Variants in SEMA3A observed in about 807,000 individuals in gnomAD.
The protein encoded by SEMA3A is semaphorin 3A.
A neutral mutation model predicts 97.9 loss-of-function variants in SEMA3A; 29 were observed. That is an observed-to-expected ratio of 0.30 (90% CI 0.22 to 0.40). The LOEUF is 0.40. Ranked by LOEUF, SEMA3A falls within the 10% of genes least tolerant of loss-of-function variation. SEMA3A has a pLI of 1.00. For missense variants in SEMA3A, 763 were observed against 951.3 expected (o/e 0.80, Z 2.60); for synonymous variants, 321 against 323.7 (o/e 0.99, Z 0.09).
intron 1 of SEMA3A, among the ~76,000 whole-genome samples, chr7:84,425,541 T>A (rs1444174736): frequency 6.9e-6 from 1 of 144,832 alleles, no homozygotes; most frequent in Non-Finnish European, 1.5e-5. Context: ...CGTATATTTA[T>A]ATGAATATAA....
At chr7:84,302,034 T>G (rs537835381) in intron 3 of SEMA3A, among the ~76,000 whole-genome samples, 1 of 152,162 alleles carries the variant, frequency 6.6e-6, no homozygotes, top group South Asian at 2.1e-4. Flanking sequence ...TATATATCCA[T>G]CAAGTGAATG....
intron 3 of SEMA3A, among the ~76,000 whole-genome samples, chr7:84,243,829 T>C (rs1477874423): frequency 1.3e-5 from 2 of 152,192 alleles, no homozygotes; most frequent in Admixed American, 1.3e-4. Flanking sequence ...AAAGAACTTA[T>C]TTATTTCTGC....
At chr7:84,076,874 A>G (rs1170420003) in intron 4 of SEMA3A, among the ~76,000 whole-genome samples, 4 of 152,152 alleles carry the variant, frequency 2.6e-5, no homozygotes, top group Non-Finnish European at 4.4e-5. Flanking sequence ...GGTTCCCCCA[A>G]AAAACATTGG....
intron 1 of SEMA3A, among the ~76,000 whole-genome samples, chr7:84,159,586 G>C (rs1446743877): frequency 6.6e-6 from 1 of 152,088 alleles, no homozygotes; most frequent in Non-Finnish European, 1.5e-5. Flanking sequence ...CATAGTAATT[G>C]TGGGGGAAAT....
chr7:84,265,226 A>G (rs1799960372), intron 3 of SEMA3A, among the ~76,000 whole-genome samples: 1 of 152,004 alleles, frequency 6.6e-6, no homozygotes, highest in African/African-American at 2.4e-5. Flanking sequence ...CTAAGCTATT[A>G]CTTTTGATTT....
chr7:84,151,959 C>T (rs2116124215), intron 1 of SEMA3A, among the ~76,000 whole-genome samples: 1 of 151,818 alleles, frequency 6.6e-6, no homozygotes, highest in East Asian at 1.9e-4. Context: ...CATCACTGGC[C>T]ATCAGAGAAA....
intron 1 of SEMA3A, 99 bp downstream of exon 1, chr7:84,194,376 C>G: frequency 6.6e-6 from 5 of 760,926 alleles, no homozygotes; most frequent in Non-Finnish European, 1.1e-5. Context: ...CCAGGTTAAA[C>G]TAAAGGTTTG....
intron 1 of SEMA3A, among the ~76,000 whole-genome samples, chr7:84,462,371 T>C (rs1448882808): frequency 6.6e-6 from 1 of 152,198 alleles, no homozygotes; most frequent in African/African-American, 2.4e-5. Flanking sequence ...ATTTTACATA[T>C]AACAACTGTG....
intron 1 of SEMA3A, among the ~76,000 whole-genome samples, chr7:84,381,336 T>A (rs897227552): frequency 1.3e-5 from 2 of 152,148 alleles, no homozygotes; most frequent in Non-Finnish European, 2.9e-5. Context: ...ATAAAAGTAT[T>A]CTAACTTGAA....
intron 1 of SEMA3A, among the ~76,000 whole-genome samples, chr7:84,466,752 G>T (rs779798203): frequency 1.3e-5 from 2 of 152,190 alleles, no homozygotes; most frequent in Non-Finnish European, 2.9e-5. Context: ...CTAGAAGTCG[G>T]TTGTTTCTAC....
At chr7:84,221,918 T>G (rs7799452) in intron 3 of SEMA3A, among the ~76,000 whole-genome samples, 107,297 of 151,716 alleles carry the variant, frequency 0.71, 38,160 homozygotes, top group East Asian at 0.79. Flanking sequence ...CTCTATGCAG[T>G]TTTGCCAAAA....
intron 3 of SEMA3A, among the ~76,000 whole-genome samples, chr7:84,219,163 T>C (rs1223030231): frequency 6.6e-6 from 1 of 152,090 alleles, no homozygotes; most frequent in Non-Finnish European, 1.5e-5. Flanking sequence ...CAATAAAAAT[T>C]AAAAGGACCT....
At chr7:84,391,348 G>A (rs150844401) in intron 1 of SEMA3A, among the ~76,000 whole-genome samples, 1 of 152,200 alleles carries the variant, frequency 6.6e-6, no homozygotes, top group Admixed American at 6.6e-5. Flanking sequence ...GCTAAATCTG[G>A]CTAGGAAACA....
At chr7:84,441,699 G>A (rs1186266664) in intron 1 of SEMA3A, among the ~76,000 whole-genome samples, 4 of 152,130 alleles carry the variant, frequency 2.6e-5, no homozygotes, top group African/African-American at 7.2e-5. Flanking sequence ...AACTTCAAAT[G>A]TGATGAATTT....
chr7:84,280,534 A>T (rs1343154827), intron 3 of SEMA3A, among the ~76,000 whole-genome samples: 1 of 152,126 alleles, frequency 6.6e-6, no homozygotes, highest in African/African-American at 2.4e-5. Flanking sequence ...CTGAAATCCC[A>T]GCACTTTCGG....
intron 3 of SEMA3A, among the ~76,000 whole-genome samples, chr7:84,268,489 C>T (rs1800067965): frequency 1.3e-5 from 2 of 152,132 alleles, no homozygotes; most frequent in Non-Finnish European, 2.9e-5. Context: ...TATCTGAGTG[C>T]CTACTTCAGT....
At chr7:84,352,009 G>A (rs1802448138) in intron 2 of SEMA3A, among the ~76,000 whole-genome samples, 1 of 149,662 alleles carries the variant, frequency 6.7e-6, no homozygotes, top group African/African-American at 2.5e-5. Flanking sequence ...AGAAAATGTA[G>A]TATAGATACA....
At chr7:84,106,168 A>G (rs1795104018) in intron 4 of SEMA3A, among the ~76,000 whole-genome samples, 1 of 152,220 alleles carries the variant, frequency 6.6e-6, no homozygotes, top group Non-Finnish European at 1.5e-5. Context: ...GTCAGGTGAC[A>G]CATAACATTT....
intron 15 of SEMA3A, among the ~76,000 whole-genome samples, chr7:83,964,385 A>G (rs574965960): frequency 6.6e-6 from 1 of 152,210 alleles, no homozygotes; most frequent in African/African-American, 2.4e-5. Context: ...ACTCAGCTAG[A>G]TTTTTAATTT....
Sources: gnomAD v4.1 joint callset for allele counts (sites outside exome capture counted in the v4.1 genomes callset) on GRCh38, gnomAD v4.1.1 for gene constraint, MANE v1.5 for transcripts, NCBI Gene and HGNC (gene_info 2026-07-23, HGNC 2026-07-21) for gene names.